Variants in UBE2F observed in about 807,000 individuals in gnomAD.
UBE2F encodes NEDD8-conjugating enzyme UBE2F.
Under a neutral mutation model 29.6 loss-of-function variants are expected in UBE2F, and 5 were observed. That is an observed-to-expected ratio of 0.17 (90% confidence interval 0.09 to 0.36). The LOEUF (loss-of-function observed/expected upper bound fraction) is 0.36, where lower values mean the gene tolerates loss of function less well. Ranked by LOEUF, UBE2F falls within the 10% of genes least tolerant of loss-of-function variation. UBE2F has a pLI of 1.00. For missense variants in UBE2F, 141 were observed against 228.5 expected (o/e 0.62, Z 2.47); for synonymous variants, 66 against 81.8 (o/e 0.81, Z 1.04).
At chr2:238,032,633 C>A (rs972260063) in intron 8 of UBE2F, 6 of 179,760 alleles carry the variant, frequency 3.3e-5, no homozygotes, top group Admixed American at 2.9e-4. Context: ...CACACAAAAA[C>A]CCCCCAAAAA....
At chr2:238,028,912 C>T (rs2064500631) in intron 6 of UBE2F, 1 of 70,646 alleles carries the variant, frequency 1.4e-5, no homozygotes, top group African/African-American at 5.1e-5. Context: ...GGAAGCTTGG[C>T]AATAAATTAT....
At position 238,025,368 on chromosome 2, in the gene UBE2F, G is replaced by A; in HGVS notation, c.309G>A (p.Lys103=). 6.2e-7 allele frequency: 1 copy of A among 1,614,068 alleles called. No individual in the cohort carries two copies. The change falls in exon 6 of 10, where the codon AAG becomes AAA. Residue 103 remains lysine (K), a synonymous_variant. Coordinates refer to ENST00000272930, the MANE Select transcript of UBE2F (RefSeq NM_080678.3). ...CTCCCAAAGTGAAATGCCTGACCAA[G>A]ATCTGGCACCCCAACATCACAGAGA... is the stretch of plus-strand genomic sequence containing the variant. ...MVPPKVKCLT[K]IWHPNITETG... is the part of the protein sequence containing the mutation.
chr2:238,029,424 TAAAAATTCA>T (rs2106403649), intron 6 of UBE2F, among the ~76,000 whole-genome samples: 1 of 152,098 alleles, frequency 6.6e-6, no homozygotes, highest in East Asian at 1.9e-4. Context: ...CCGTCTCTAC[TAAAAATTCA>T]AAAAACAAAA....
At chr2:238,020,402 G>C (rs1314928162) in intron 5 of UBE2F, among the ~76,000 whole-genome samples, 1 of 152,166 alleles carries the variant, frequency 6.6e-6, no homozygotes, top group Admixed American at 6.5e-5. Context: ...AGGGCACCAG[G>C]TGGGTCAGTG....
chr2:238,026,465 G>T (rs1423365828), intron 6 of UBE2F, among the ~76,000 whole-genome samples: 1 of 151,784 alleles, frequency 6.6e-6, no homozygotes, highest in East Asian at 1.9e-4. Context: ...ATGGAGTCTC[G>T]CTTTGTTGCC....
At chr2:238,038,693 T>C (rs1470852508) in intron 9 of UBE2F, among the ~76,000 whole-genome samples, 1 of 152,228 alleles carries the variant, frequency 6.6e-6, no homozygotes, top group African/African-American at 2.4e-5. Flanking sequence ...CCCAGTAAAA[T>C]GGACCTAAAA....
At position 237,967,822 on chromosome 2, in the gene UBE2F, A is replaced by G. The variant is rs1363033241; in HGVS notation, c.-17+690A>G. Among the ~76,000 whole-genome samples the G allele has an allele frequency of 6.6e-6, 1 of 152,172 alleles. No individual in the cohort carries two copies. Among genetic ancestry groups the G allele is most frequent in the African/African-American group, 2.4e-5 (1 of 41,452 alleles). On this transcript the variant is annotated intron_variant, in intron 1 of 9. Coordinates refer to ENST00000272930, the MANE Select transcript of UBE2F (RefSeq NM_080678.3). This position sits in a 1 kb window ranked among gnomAD's most constrained non-coding sequence, Gnocchi z 6.3. ...GCAGCAGAGTCTTGGTTCCAGACCTAGTTCTGCTGGTGTGTCATCTTGGGT... is the reference window on the plus strand; with the variant it reads ...GCAGCAGAGTCTTGGTTCCAGACCTGGTTCTGCTGGTGTGTCATCTTGGGT...
At chr2:238,023,356 TA>T (rs1319605815) in intron 5 of UBE2F, among the ~76,000 whole-genome samples, 1 of 152,260 alleles carries the variant, frequency 6.6e-6, no homozygotes, top group Non-Finnish European at 1.5e-5. Context: ...ATTCTGAACC[TA>T]AATTCTTTGT....
At chr2:237,973,659 A>T (rs1379570372) in intron 2 of UBE2F, 2 of 1,303,174 alleles carry the variant, frequency 1.5e-6, no homozygotes, top group Non-Finnish European at 2.0e-6. Context: ...GTCAAAGCCT[A>T]CGGCGAATCT....
chr2:238,036,697 A>C (rs557518251), intron 9 of UBE2F, among the ~76,000 whole-genome samples: 1 of 152,290 alleles, frequency 6.6e-6, no homozygotes, highest in Non-Finnish European at 1.5e-5. Flanking sequence ...ATGGTGGCAC[A>C]CGCCTGTGGT....
intron 2 of UBE2F, among the ~76,000 whole-genome samples, chr2:237,986,770 A>G (rs545319235): frequency 6.6e-6 from 1 of 152,326 alleles, no homozygotes; most frequent in East Asian, 1.9e-4. Flanking sequence ...TGAAGGAACT[A>G]TCCTTTCCCC....
chr2:237,992,161 C>T (rs540161303), intron 3 of UBE2F, among the ~76,000 whole-genome samples: 19 of 152,248 alleles, frequency 1.2e-4, no homozygotes, highest in South Asian at 6.2e-4. Context: ...CCACTGCGAC[C>T]GGCCGATAAT....
Position 238,018,657 on chromosome 2 carries a change from C to T in UBE2F, c.282+2024C>T, listed in dbSNP as rs183678416. On this transcript the variant is annotated intron_variant, in intron 5 of 9. Transcript: ENST00000272930. ...CTCAGCTCACTGCAACCACCAGCTC[C>T]CGGGTTCAAGCAATTCTCCTGCCCT... Among the ~76,000 whole-genome samples the T allele has an allele frequency of 2.0e-5, 3 of 152,254 alleles. No homozygotes were observed. The East Asian group carries it at 5.8e-4, about 29-fold the overall frequency.
chr2:238,021,608 A>G (rs186352570), intron 5 of UBE2F, among the ~76,000 whole-genome samples: 93 of 152,352 alleles, frequency 6.1e-4, no homozygotes, highest in Non-Finnish European at 1.1e-3. Context: ...ACTTCCTTGT[A>G]TGATGTATCA....
chr2:237,980,801 G>A (rs1338031784), intron 2 of UBE2F, among the ~76,000 whole-genome samples: 1 of 152,174 alleles, frequency 6.6e-6, no homozygotes, highest in South Asian at 2.1e-4. Flanking sequence ...CATAGGGCTT[G>A]GGCAGATTAC....
chr2:237,991,785 T>C (rs562065755), intron 3 of UBE2F, among the ~76,000 whole-genome samples: 2 of 151,482 alleles, frequency 1.3e-5, no homozygotes, highest in East Asian at 3.9e-4. Context: ...GTATTTTTAG[T>C]GGAGATGGGG....
At position 237,967,094 on chromosome 2, in the gene UBE2F, T is replaced by G; in HGVS notation, c.-55T>G. 7.4e-7 allele frequency: 1 copy of G among 1,346,670 alleles called. No homozygotes were observed. Among genetic ancestry groups the G allele is most frequent in the East Asian group, 3.2e-5 (1 of 31,350 alleles). The allele number at this position is 1,346,670 out of a possible 1,614,324, so 83.4% of individuals were successfully genotyped here. ...CAGCCGCCCGGACCGGGCATGGTGTTGGGCGCCGGGCCCGCCTCGCCTGTC... is the reference window on the plus strand; with the variant it reads ...CAGCCGCCCGGACCGGGCATGGTGTGGGGCGCCGGGCCCGCCTCGCCTGTC... On this transcript the variant is annotated 5_prime_UTR_variant, in exon 1 of 10. Transcript: ENST00000272930. This position sits in a 1 kb window ranked among gnomAD's most constrained non-coding sequence, Gnocchi z 6.3.
At chr2:237,975,521 A>G (rs150203015) in intron 2 of UBE2F, among the ~76,000 whole-genome samples, 1 of 152,294 alleles carries the variant, frequency 6.6e-6, no homozygotes, top group Non-Finnish European at 1.5e-5. Context: ...GATTGCAGGC[A>G]TTTACGTGTC....
intron 4 of UBE2F, among the ~76,000 whole-genome samples, chr2:238,012,950 A>T (rs2064071708): frequency 1.3e-5 from 2 of 152,202 alleles, no homozygotes; most frequent in South Asian, 4.1e-4. Flanking sequence ...ACCAGGACAT[A>T]CTATTTATAA....
Sources: allele counts gnomAD v4.1 joint callset (sites outside exome capture counted in the v4.1 genomes callset), GRCh38; gene constraint gnomAD v4.1.1; non-coding constraint Gnocchi (gnomAD v3.1); transcripts MANE v1.5; gene names NCBI Gene and HGNC (gene_info 2026-07-23, HGNC 2026-07-21).